Variants in COL19A1 observed in about 807,000 individuals in gnomAD.
The protein encoded by COL19A1 is collagen type XIX alpha 1 chain.
In COL19A1, 159 loss-of-function variants were observed where a neutral mutation model predicts 190.2. That is an observed-to-expected ratio of 0.84 (90% CI 0.73 to 0.95). The LOEUF (loss-of-function observed/expected upper bound fraction) is 0.95, where lower values mean the gene tolerates loss of function less well. COL19A1 is among the 40% of genes least tolerant of loss of function. The pLI, the probability that COL19A1 is intolerant of heterozygous loss-of-function variation, is 0.00. For missense variants in COL19A1, 1,418 were observed against 1,431.9 expected (o/e 0.99, Z 0.16); for synonymous variants, 509 against 458.9 (o/e 1.11, Z -1.39).
intron 33 of COL19A1, 58 bp from the exon 34 acceptor site, chr6:70,156,612 A>C: frequency 1.3e-6 from 2 of 1,573,590 alleles, no homozygotes; most frequent in Non-Finnish European, 1.7e-6. Context: ...GATTTTTTTC[A>C]TTTCCAAAAG....
chr6:70,107,990 T>G (rs1327389128), intron 16 of COL19A1, among the ~76,000 whole-genome samples: 1 of 152,180 alleles, frequency 6.6e-6, no homozygotes, highest in East Asian at 1.9e-4. Context: ...GTAATAGACT[T>G]ATGTTATGAT....
intron 4 of COL19A1, among the ~76,000 whole-genome samples, chr6:69,918,802 A>T (rs1771496170): frequency 6.6e-6 from 1 of 152,176 alleles, no homozygotes; most frequent in African/African-American, 2.4e-5. Context: ...AGGAAAAAAT[A>T]ATAACTTGCA....
intron 6 of COL19A1, among the ~76,000 whole-genome samples, chr6:69,930,857 A>G (rs572212292): frequency 6.6e-6 from 1 of 152,246 alleles, no homozygotes; most frequent in East Asian, 1.9e-4. Flanking sequence ...GAGGCTAAAG[A>G]ATATCACGTG....
At chr6:70,047,008 T>A (rs1779953836) in intron 14 of COL19A1, among the ~76,000 whole-genome samples, 1 of 152,102 alleles carries the variant, frequency 6.6e-6, no homozygotes, top group South Asian at 2.1e-4. Flanking sequence ...CAAATCACAT[T>A]TTTTCAAAAG....
chr6:70,199,848 A>G (rs1318439664), intron 49 of COL19A1, 112 bp downstream of exon 49: 5 of 924,596 alleles, frequency 5.4e-6, no homozygotes, highest in Admixed American at 2.7e-5. Flanking sequence ...TTTATACATT[A>G]CATATATAAA....
chr6:70,124,336 T>C (rs1785068200), intron 17 of COL19A1, among the ~76,000 whole-genome samples: 1 of 152,162 alleles, frequency 6.6e-6, no homozygotes, highest in Non-Finnish European at 1.5e-5. Flanking sequence ...CTATCGCCCT[T>C]GGTATAAAAT....
chr6:70,055,149 A>G (rs1032101721), intron 14 of COL19A1, among the ~76,000 whole-genome samples: 1 of 152,210 alleles, frequency 6.6e-6, no homozygotes, highest in Non-Finnish European at 1.5e-5. Context: ...CATTTAAAAA[A>G]TATAAAGTAA....
intron 14 of COL19A1, among the ~76,000 whole-genome samples, chr6:70,051,914 G>A (rs780421681): frequency 6.6e-6 from 1 of 151,966 alleles, no homozygotes; most frequent in Non-Finnish European, 1.5e-5. Context: ...AGTAGATGAG[G>A]CCAGCCTGCA....
intron 4 of COL19A1, among the ~76,000 whole-genome samples, chr6:69,908,566 T>G (rs1420109944): frequency 6.6e-6 from 1 of 152,188 alleles, no homozygotes; most frequent in Non-Finnish European, 1.5e-5. Context: ...ACCTATTTTA[T>G]TTTTTCTAGA....
intron 15 of COL19A1, among the ~76,000 whole-genome samples, chr6:70,097,441 C>G (rs1264278738): frequency 6.6e-6 from 1 of 152,008 alleles, no homozygotes; most frequent in East Asian, 1.9e-4. Flanking sequence ...ATCCATTCAT[C>G]CATTCATGGA....
chr6:70,160,937 G>C (rs1255961974), intron 34 of COL19A1, among the ~76,000 whole-genome samples: 1 of 152,044 alleles, frequency 6.6e-6, no homozygotes. Flanking sequence ...AATATTTCAT[G>C]TTATAAATTG....
intron 2 of COL19A1, among the ~76,000 whole-genome samples, chr6:69,895,364 A>G (rs907107494): frequency 2.6e-5 from 4 of 152,190 alleles, no homozygotes; most frequent in African/African-American, 9.7e-5. Flanking sequence ...TTCACTCACC[A>G]CTTCTTGAGC....
intron 4 of COL19A1, among the ~76,000 whole-genome samples, chr6:69,910,992 T>C (rs557577419): frequency 8.5e-5 from 13 of 152,198 alleles, no homozygotes; most frequent in Non-Finnish European, 1.6e-4. Context: ...GAATTGACCT[T>C]TAATAGTGCT....
chr6:70,135,404 C>T (rs578146891), intron 18 of COL19A1, among the ~76,000 whole-genome samples: 2 of 152,278 alleles, frequency 1.3e-5, no homozygotes, highest in East Asian at 3.9e-4. Flanking sequence ...CTTCTGGTGA[C>T]CAGCCCAATC....
At chr6:69,911,185 C>T (rs1380978263) in intron 4 of COL19A1, among the ~76,000 whole-genome samples, 1 of 152,116 alleles carries the variant, frequency 6.6e-6, no homozygotes, top group Admixed American at 6.6e-5. Context: ...TCTATGTCAA[C>T]CAAGGAAGAA....
chr6:69,903,573 T>G (rs1770325476), intron 4 of COL19A1, among the ~76,000 whole-genome samples: 1 of 152,198 alleles, frequency 6.6e-6, no homozygotes, highest in African/African-American at 2.4e-5. Flanking sequence ...ACTTACTAAC[T>G]GCTTCCCAGT....
chr6:70,026,321 C>G (rs59870841), intron 12 of COL19A1, among the ~76,000 whole-genome samples: 2,995 of 152,252 alleles, frequency 0.02, 76 homozygotes, highest in African/African-American at 0.066. Flanking sequence ...AGTTCCAAAT[C>G]TGAGTAACAC....
intron 11 of COL19A1, among the ~76,000 whole-genome samples, chr6:69,975,307 G>A (rs1304796463): frequency 6.6e-6 from 1 of 152,222 alleles, no homozygotes; most frequent in Non-Finnish European, 1.5e-5. Flanking sequence ...GCTCAGACAT[G>A]GACAGAATTA....
chr6:69,925,531 C>CT (rs1418875547), intron 4 of COL19A1, among the ~76,000 whole-genome samples: 1 of 152,104 alleles, frequency 6.6e-6, no homozygotes, highest in Non-Finnish European at 1.5e-5. Context: ...ATGCCTCCAG[C>CT]TTTTTTCTTT....
Sources: gnomAD v4.1 joint callset for allele counts (sites outside exome capture counted in the v4.1 genomes callset) on GRCh38, gnomAD v4.1.1 for gene constraint, MANE v1.5 for transcripts, NCBI Gene and HGNC (gene_info 2026-07-23, HGNC 2026-07-21) for gene names.